The following L3MBTL4 variants were observed in gnomAD, a reference collection of about 807,000 sequenced individuals.
L3MBTL4 encodes the protein lethal(3)malignant brain tumor-like protein 4.
Under a neutral mutation model 84.5 loss-of-function variants are expected in L3MBTL4, and 70 were observed. The ratio of observed to expected loss-of-function variants is 0.83; its 90% CI spans 0.68 to 1.01. L3MBTL4 has a LOEUF of 1.01. L3MBTL4 is among the 50% of genes least tolerant of loss of function. The pLI is 0.00. For synonymous variants in L3MBTL4, 274 were observed against 259.8 expected (o/e 1.05, Z -0.52); for missense variants, 715 against 754.8 (o/e 0.95, Z 0.62).
chr18:6,144,196 C>CAAAA lies in L3MBTL4; in HGVS notation c.1097-5904_1097-5901dup, dbSNP rs35746580. 8.5e-3 allele frequency among the ~76,000 whole-genome samples: 490 copies of CAAAA among 57,954 alleles called. 29 individuals carry two copies. The highest frequency in any genetic ancestry group is 0.024 in the Middle Eastern group (2 of 82). The allele number at this position is 57,954 out of a possible 152,430, so 38.0% of individuals were successfully genotyped here. A position where few individuals can be genotyped will look rare whatever the true frequency, so the allele number is the denominator to read the frequency against. The stretch of plus-strand genomic sequence containing the variant: ...GGGCGACAGAGTGAGACTCCATCTC[C>CAAAA]AAAAAAAAAAAAAAAAAAAAAAAAG... On this transcript the variant is annotated intron_variant, in intron 13 of 18. Coordinates refer to ENST00000317931, the MANE Select transcript of L3MBTL4 (RefSeq NM_001330559.2).
chr18:6,317,095 T>C (rs1215417578), intron 1 of L3MBTL4, among the ~76,000 whole-genome samples: 2 of 152,154 alleles, frequency 1.3e-5, no homozygotes, highest in African/African-American at 4.8e-5. Context: ...TAGGAGATGC[T>C]GAACTTGTTC....
At position 5,961,111 on chromosome 18, in the gene L3MBTL4, C is replaced by T. The variant is rs2095261257; in HGVS notation, c.1615-955G>A. On this transcript the variant is annotated intron_variant, in intron 17 of 18. Coordinates refer to ENST00000317931, the MANE Select transcript of L3MBTL4 (RefSeq NM_001330559.2). ...GGGGAACTGTTTTGCTTGTTTTATTCTTTTTGGCTCTCTGCTTCTTGTGTC... is the reference window on the plus strand; with the variant it reads ...GGGGAACTGTTTTGCTTGTTTTATTTTTTTTGGCTCTCTGCTTCTTGTGTC... Among the ~76,000 whole-genome samples, 4 of 152,196 alleles carry T rather than the reference C, an allele frequency of 2.6e-5. 1 individual carries two copies. The South Asian group carries it at 8.3e-4, about 32-fold the overall frequency.
intron 16 of L3MBTL4, among the ~76,000 whole-genome samples, chr18:6,036,459 G>T (rs1389572217): frequency 2.0e-5 from 3 of 151,772 alleles, no homozygotes; most frequent in African/African-American, 7.3e-5. Context: ...TTTCTTTTTG[G>T]TTTCTTTTTA....
At chr18:6,350,626 G>A (rs966606868) in intron 1 of L3MBTL4, among the ~76,000 whole-genome samples, 28 of 151,940 alleles carry the variant, frequency 1.8e-4, no homozygotes, top group Non-Finnish European at 3.8e-4. Flanking sequence ...TTGCAAGTGG[G>A]AATGTAAAAT....
chr18:6,198,237 C>A (rs973002055), intron 12 of L3MBTL4, among the ~76,000 whole-genome samples: 3 of 152,216 alleles, frequency 2.0e-5, no homozygotes, highest in Admixed American at 2.0e-4. Context: ...CAACCACTCA[C>A]TCTCAACAGT....
intron 16 of L3MBTL4, among the ~76,000 whole-genome samples, chr18:6,027,424 TCC>T (rs2055562365): frequency 6.6e-6 from 1 of 152,266 alleles, no homozygotes; most frequent in Non-Finnish European, 1.5e-5. Context: ...ATTTTCTTTG[TCC>T]AGTCTATCAT....
At chr18:6,170,886 G>A (rs935150935) in intron 13 of L3MBTL4, among the ~76,000 whole-genome samples, 1 of 152,056 alleles carries the variant, frequency 6.6e-6, no homozygotes, top group Non-Finnish European at 1.5e-5. Flanking sequence ...TGCTGACCAT[G>A]GTCCTCTTCA....
chr18:6,168,402 G>A (rs1169187772), intron 13 of L3MBTL4, among the ~76,000 whole-genome samples: 5 of 151,860 alleles, frequency 3.3e-5, no homozygotes, highest in Admixed American at 2.6e-4. Flanking sequence ...AAAGCTGGAG[G>A]CATCACACTA....
At chr18:5,978,927 A>G (rs2144958920) in intron 16 of L3MBTL4, among the ~76,000 whole-genome samples, 1 of 152,298 alleles carries the variant, frequency 6.6e-6, no homozygotes, top group South Asian at 2.1e-4. Context: ...GGGAACGAAT[A>G]TAAGCTATCA....
chr18:6,369,035 C>T (rs1005717033), intron 1 of L3MBTL4, among the ~76,000 whole-genome samples: 1 of 143,602 alleles, frequency 7.0e-6, no homozygotes, highest in Non-Finnish European at 1.5e-5. Context: ...CAGACAGACT[C>T]GGTCTCAAAA....
chr18:6,043,237 T>A (rs1226050080), intron 16 of L3MBTL4, among the ~76,000 whole-genome samples: 2 of 152,168 alleles, frequency 1.3e-5, no homozygotes, highest in Non-Finnish European at 2.9e-5. Context: ...GTCCACTCCC[T>A]GATCATTTAC....
intron 4 of L3MBTL4, among the ~76,000 whole-genome samples, chr18:6,296,227 C>T (rs1003123027): frequency 6.6e-6 from 1 of 152,070 alleles, no homozygotes; most frequent in South Asian, 2.1e-4. Flanking sequence ...AAGCCATATC[C>T]CCCGGCACCA....
In L3MBTL4 at chr18:6,138,182, G is replaced by C. The variant is rs548187415; in HGVS notation, c.1199+12C>G. Reference sequence around the variant, plus strand: ...TTCATCCAGGAAATAACTTAAATAAGAAAAATGTTACCTGTGATGTCCCGA... The same window carrying C: ...TTCATCCAGGAAATAACTTAAATAACAAAAATGTTACCTGTGATGTCCCGA... On this transcript the variant is annotated intron_variant, in intron 14 of 18. Transcript: ENST00000317931. The C allele has an allele frequency of 6.3e-6, 10 of 1,579,748 alleles. No homozygotes were observed. The South Asian group carries it at 1.0e-4, about 16-fold the overall frequency.
chr18:6,332,999 C>T (rs1287893382), intron 1 of L3MBTL4, among the ~76,000 whole-genome samples: 2 of 152,178 alleles, frequency 1.3e-5, no homozygotes, highest in South Asian at 2.1e-4. Flanking sequence ...CTATACCCTA[C>T]TTTGTGAATG....
chr18:6,302,515 C>T (rs1323049803), intron 3 of L3MBTL4, among the ~76,000 whole-genome samples: 6 of 152,184 alleles, frequency 3.9e-5, no homozygotes, highest in East Asian at 3.8e-4. Context: ...CACCCCATGG[C>T]GCAAGCAAGG....
intron 14 of L3MBTL4, among the ~76,000 whole-genome samples, chr18:6,129,316 T>C (rs1217680323): frequency 1.3e-5 from 2 of 151,964 alleles, no homozygotes; most frequent in Non-Finnish European, 2.9e-5. Flanking sequence ...ATTATTATTT[T>C]GCTTCAAAAT....
intron 16 of L3MBTL4, chr18:6,046,731 A>G: frequency 1.3e-6 from 1 of 775,402 alleles, no homozygotes; most frequent in Non-Finnish European, 2.4e-6. Context: ...AACTTACCCA[A>G]ACCTCTGGGA....
chr18:6,409,678 C>T (rs938972698), intron 1 of L3MBTL4, among the ~76,000 whole-genome samples: 1 of 152,162 alleles, frequency 6.6e-6, no homozygotes, highest in Non-Finnish European at 1.5e-5. Flanking sequence ...AACCCACCAT[C>T]ACCGAAAAGG....
At chr18:6,156,211 T>C (rs900956761) in intron 13 of L3MBTL4, among the ~76,000 whole-genome samples, 2 of 152,216 alleles carry the variant, frequency 1.3e-5, no homozygotes, top group African/African-American at 4.8e-5. Context: ...TCTCTGTGAA[T>C]ATCTTCACTA....
Sources: gnomAD v4.1 joint callset for allele counts (sites outside exome capture counted in the v4.1 genomes callset) on GRCh38, gnomAD v4.1.1 for gene constraint, MANE v1.5 for transcripts, NCBI Gene and HGNC (gene_info 2026-07-23, HGNC 2026-07-21) for gene names.